The following NETO1 variants were observed in gnomAD, a reference collection of about 807,000 sequenced individuals.
NETO1 encodes the protein neuropilin and tolloid like 1, also known as neuropilin and tolloid-like protein 1.
NETO1 carries 26 observed loss-of-function variants against 61.3 expected under a neutral mutation model. The ratio of observed to expected loss-of-function variants is 0.42; its 90% CI spans 0.31 to 0.59. The LOEUF (loss-of-function observed/expected upper bound fraction) is 0.59, where lower values mean the gene tolerates loss of function less well. Among genes scored for constraint, NETO1 ranks in the 20% least tolerant of loss-of-function variants. The pLI, the probability that NETO1 is intolerant of heterozygous loss-of-function variation, is 0.12. For synonymous variants in NETO1, 225 were observed against 225.8 expected, an observed-to-expected ratio of 1.00 and a Z score of 0.03; for missense variants, 531 against 662.8, an observed-to-expected ratio of 0.80 and a Z score of 2.18.
intron 7 of NETO1, among the ~76,000 whole-genome samples, chr18:72,781,963 T>TACCC (rs1246930775): frequency 2.6e-5 from 4 of 152,114 alleles, no homozygotes; most frequent in African/African-American, 9.7e-5. Flanking sequence ...ATAAGCATAG[T>TACCC]ACCCAACAGG....
chr18:72,790,592 G>C (rs1022908925), intron 6 of NETO1, among the ~76,000 whole-genome samples: 2 of 151,880 alleles, frequency 1.3e-5, no homozygotes, highest in Non-Finnish European at 2.9e-5. Context: ...GCCAGACTCT[G>C]CTTGGATTCC....
chr18:72,771,842 G>C (rs2071361634), intron 7 of NETO1, among the ~76,000 whole-genome samples: 1 of 152,052 alleles, frequency 6.6e-6, no homozygotes, highest in Non-Finnish European at 1.5e-5. Flanking sequence ...ATTTTCTACT[G>C]CTGAGTCACA....
intron 1 of NETO1, 77 bp downstream of exon 1, chr18:72,867,187 C>T (rs941086520): frequency 3.3e-5 from 39 of 1,169,432 alleles, no homozygotes; most frequent in Non-Finnish European, 4.5e-5. Context: ...AGAGGCTTTT[C>T]CTGCGCGTTC....
chr18:72,783,066 A>G (rs2145227366), intron 7 of NETO1, among the ~76,000 whole-genome samples: 1 of 152,330 alleles, frequency 6.6e-6, no homozygotes, highest in Non-Finnish European at 1.5e-5. Context: ...TTTCTAACAA[A>G]TATTCAGAAT....
At chr18:72,783,963 T>G in intron 6 of NETO1, 57 bp from the exon 7 acceptor site, 1 of 1,186,746 alleles carries the variant, frequency 8.4e-7, no homozygotes, top group Middle Eastern at 1.9e-4. Context: ...TACATCAGTA[T>G]CAGAACTCCT....
At chr18:72,749,757 T>C (rs556414959) in intron 9 of NETO1, among the ~76,000 whole-genome samples, 2 of 152,302 alleles carry the variant, frequency 1.3e-5, no homozygotes, top group South Asian at 4.1e-4. Flanking sequence ...TATAAATCTG[T>C]ATTATAAATT....
chr18:72,834,131 A>G, intron 4 of NETO1: 6 of 864,392 alleles, frequency 6.9e-6, no homozygotes, highest in Non-Finnish European at 8.3e-6. Context: ...TCTGGTATTT[A>G]GAGCTTCGGA....
At chr18:72,829,459 A>G (rs1032469570) in intron 4 of NETO1, among the ~76,000 whole-genome samples, 11 of 152,202 alleles carry the variant, frequency 7.2e-5, no homozygotes, top group African/African-American at 2.7e-4. Flanking sequence ...ATGTATCATT[A>G]TTATCATTAC....
intron 7 of NETO1, among the ~76,000 whole-genome samples, chr18:72,771,324 G>T (rs2071344632): frequency 6.6e-6 from 1 of 152,126 alleles, no homozygotes; most frequent in African/African-American, 2.4e-5. Context: ...CACACAAAGA[G>T]AATTAGGCTT....
In NETO1 at chr18:72,867,414, AG is replaced by A. The variant is rs2074774816; in HGVS notation, c.-124del. 6.5e-6 allele frequency: 4 copies of A among 615,314 alleles called. No individual in the cohort carries two copies. Among genetic ancestry groups the A allele is most frequent in the Admixed American group, 7.5e-5 (2 of 26,596 alleles). 38.1% of individuals were successfully genotyped at this position (615,314 alleles called of 1,614,324 possible). A position where few individuals can be genotyped will look rare whatever the true frequency, so the allele number is the denominator to read the frequency against. On this transcript the variant is annotated 5_prime_UTR_variant, in exon 1 of 11. An upstream open reading frame in the 5' UTR loses its in-frame stop. Transcript: ENST00000327305. The stretch of plus-strand genomic sequence containing the variant: ...AAGACGCAAAGCAAGAAGGAAATAA[AG>A]GGGGGCCGAGAGGGAGACCGAGAGG...
intron 4 of NETO1, among the ~76,000 whole-genome samples, chr18:72,818,636 A>G (rs1279598400): frequency 2.0e-5 from 3 of 152,208 alleles, no homozygotes; most frequent in Non-Finnish European, 4.4e-5. Context: ...GTCAAGCACG[A>G]GACATTTTCA....
At chr18:72,865,563 T>C in intron 1 of NETO1, 1 of 1,606,738 alleles carries the variant, frequency 6.2e-7, no homozygotes, top group Non-Finnish European at 8.5e-7. Flanking sequence ...TCACACTGTA[T>C]CTAAACTACC....
intron 7 of NETO1, among the ~76,000 whole-genome samples, chr18:72,769,198 A>C (rs1379762987): frequency 6.6e-6 from 1 of 152,176 alleles, no homozygotes; most frequent in Non-Finnish European, 1.5e-5. Flanking sequence ...TTAAGTTACC[A>C]AAGTGAATTC....
chr18:72,760,982 A>G (rs1056195661), intron 7 of NETO1, among the ~76,000 whole-genome samples: 8 of 152,226 alleles, frequency 5.3e-5, no homozygotes, highest in African/African-American at 1.4e-4. Context: ...GTATGACAAA[A>G]GAATGTTACC....
chr18:72,834,906 T>C (rs1162757304), intron 4 of NETO1: 1 of 784,858 alleles, frequency 1.3e-6, no homozygotes, highest in Non-Finnish European at 1.5e-6. Context: ...ATAATTATAA[T>C]CTTTTAATAT....
At chr18:72,806,066 C>T (rs995981354) in intron 4 of NETO1, among the ~76,000 whole-genome samples, 1 of 152,036 alleles carries the variant, frequency 6.6e-6, no homozygotes, top group Non-Finnish European at 1.5e-5. Flanking sequence ...GTGTAGGCTT[C>T]GTGGGGGGTG....
At chr18:72,828,664 G>A (rs1437349402) in intron 4 of NETO1, among the ~76,000 whole-genome samples, 9 of 152,024 alleles carry the variant, frequency 5.9e-5, no homozygotes, top group Admixed American at 5.9e-4. Context: ...ATAAACAAAA[G>A]GAAATCCATA....
intron 4 of NETO1, among the ~76,000 whole-genome samples, chr18:72,853,739 AGAGT>A (rs1182808478): frequency 1.5e-5 from 2 of 134,246 alleles, no homozygotes; most frequent in Non-Finnish European, 3.2e-5. Context: ...CCTGAGCAAC[AGAGT>A]GAGATGTCAA....
intron 4 of NETO1, among the ~76,000 whole-genome samples, chr18:72,798,225 T>A (rs1345746120): frequency 6.6e-6 from 1 of 152,130 alleles, no homozygotes; most frequent in African/African-American, 2.4e-5. Flanking sequence ...CCTCCTCCTG[T>A]CAAGTCAGCA....
Sources: gnomAD v4.1 joint callset for allele counts (sites outside exome capture counted in the v4.1 genomes callset) on GRCh38, gnomAD v4.1.1 for gene constraint, MANE v1.5 for transcripts, NCBI Gene and HGNC (gene_info 2026-07-23, HGNC 2026-07-21) for gene names.